Variants in THSD7A observed in about 807,000 individuals in gnomAD.
THSD7A encodes thrombospondin type 1 domain containing 7A.
Under a neutral mutation model 231.3 loss-of-function variants are expected in THSD7A, and 96 were observed. The observed-to-expected ratio is 0.41, with a 90% confidence interval of 0.35 to 0.49. The LOEUF is 0.49. Among genes scored for constraint, THSD7A ranks in the 20% least tolerant of loss-of-function variants. The pLI is 0.05. For missense variants in THSD7A, 2,290 were observed against 2,070.2 expected (o/e 1.11, Z -2.06); for synonymous variants, 940 against 743.3 (o/e 1.26, Z -4.30).
chr7:11,445,287 T>C (rs1784931256), intron 13 of THSD7A, among the ~76,000 whole-genome samples: 1 of 152,014 alleles, frequency 6.6e-6, no homozygotes, highest in African/African-American at 2.4e-5. Context: ...ACTTCTTTCA[T>C]TCCATTATAA....
chr7:11,442,458 T>C (rs936243382), intron 13 of THSD7A, among the ~76,000 whole-genome samples: 1 of 152,072 alleles, frequency 6.6e-6, no homozygotes, highest in African/African-American at 2.4e-5. Flanking sequence ...ATTATTGTCA[T>C]TGCACTGCAC....
intron 1 of THSD7A, among the ~76,000 whole-genome samples, chr7:11,760,174 G>A (rs1282843709): frequency 6.6e-6 from 1 of 152,018 alleles, no homozygotes; most frequent in East Asian, 1.9e-4. Context: ...TGAAAGAATT[G>A]TAATAAAATG....
rs770378544 is a variant in THSD7A at position 11,374,972 on chromosome 7, C to G, written c.*822G>C. On this transcript the variant is annotated 3_prime_UTR_variant, in exon 28 of 28. Coordinates refer to ENST00000423059, the MANE Select transcript of THSD7A (RefSeq NM_015204.3). ...ATGGCAATACTGGTTAAGCGCCTAT[C>G]GTGCTGCACTAATATAGTGCAAAAA... The G allele has an allele frequency of 1.3e-5, 2 of 152,006 alleles. No individual in the cohort carries two copies. Among genetic ancestry groups the G allele is most frequent in the Non-Finnish European group, 2.9e-5 (2 of 67,978 alleles). The allele number at this position is 152,006 out of a possible 1,614,324, so 9.4% of individuals were successfully genotyped here. A position where few individuals can be genotyped will look rare whatever the true frequency, so the allele number is the denominator to read the frequency against.
At chr7:11,386,524 G>A (rs1475634659) in intron 23 of THSD7A, among the ~76,000 whole-genome samples, 1 of 152,162 alleles carries the variant, frequency 6.6e-6, no homozygotes, top group Non-Finnish European at 1.5e-5. Context: ...TTTGAGAAGT[G>A]CTCATTCATA....
intron 23 of THSD7A, among the ~76,000 whole-genome samples, chr7:11,393,729 C>CAATA (rs1280789207): frequency 6.6e-6 from 1 of 152,104 alleles, no homozygotes; most frequent in African/African-American, 2.4e-5. Context: ...ACACAAGTAT[C>CAATA]AATAGCCAAA....
At chr7:11,786,462 T>C (rs1783796098) in intron 1 of THSD7A, among the ~76,000 whole-genome samples, 1 of 152,012 alleles carries the variant, frequency 6.6e-6, no homozygotes, top group Non-Finnish European at 1.5e-5. Context: ...GGAGCAGCAC[T>C]GTCTTGCAAC....
intron 4 of THSD7A, among the ~76,000 whole-genome samples, chr7:11,571,878 T>C (rs1418688127): frequency 6.6e-6 from 1 of 152,192 alleles, no homozygotes; most frequent in Non-Finnish European, 1.5e-5. Context: ...ATTTTTGCTG[T>C]TGTCCTCTTT....
intron 1 of THSD7A, among the ~76,000 whole-genome samples, chr7:11,725,473 T>C (rs1781515997): frequency 6.6e-6 from 1 of 151,984 alleles, no homozygotes; most frequent in Non-Finnish European, 1.5e-5. Flanking sequence ...GTGAATCTGC[T>C]AAGATTCACT....
rs756813878 is a variant in THSD7A, at chr7:11,636,354, G to A, written c.798C>T (p.Pro266=). 25 of 1,613,658 alleles carry A rather than the reference G, an allele frequency of 1.5e-5. No homozygotes were observed. The highest frequency in any genetic ancestry group is 1.6e-4 in the Middle Eastern group (1 of 6,084). The part of the protein sequence containing the change: ...HVGPWSTCSM[P]HSRQVRQARR... ...TTGCTTGTCTTACTTGTCGGGAGTG[G>A]GGCATTGAGCAGGTGCTCCAGGGCC... Residue 266 remains proline, a synonymous_variant, in exon 2 of 28, where the codon CCC becomes CCT. Transcript: ENST00000423059. This position sits in a 1 kb window ranked among gnomAD's most constrained non-coding sequence, Gnocchi z 10.0.
rs1784965133 is a variant in THSD7A, at chr7:11,446,203, T to TA, written c.2921dup (p.Leu974PhefsTer44). 2.5e-6 allele frequency: 4 copies of TA among 1,613,550 alleles called. No homozygotes were observed. Among genetic ancestry groups the TA allele is most frequent in the Non-Finnish European group, 3.4e-6 (4 of 1,179,650 alleles). On this transcript the variant is annotated frameshift_variant, in exon 13 of 28. Coordinates refer to ENST00000423059, the MANE Select transcript of THSD7A (RefSeq NM_015204.3). LOFTEE classifies it high-confidence loss of function. This position sits in a 1 kb window ranked among gnomAD's most constrained non-coding sequence, Gnocchi z 4.0. ...GCAACACTTCCACTTTTCCCTCTGGTAAAATACAGTCTGACCAGTTCCCCA... is the reference window on the plus strand; with the variant it reads ...GCAACACTTCCACTTTTCCCTCTGGTAAAAATACAGTCTGACCAGTTCCCCA...
chr7:11,530,461 A>G (rs1788658659), intron 6 of THSD7A, among the ~76,000 whole-genome samples: 1 of 152,234 alleles, frequency 6.6e-6, no homozygotes, highest in Admixed American at 6.5e-5. Flanking sequence ...CAATCTGTTA[A>G]GTGGAACACA....
chr7:11,519,283 C>T (rs1026888187), intron 6 of THSD7A, among the ~76,000 whole-genome samples: 4 of 152,066 alleles, frequency 2.6e-5, no homozygotes, highest in African/African-American at 4.8e-5. Flanking sequence ...CCTTCTATTT[C>T]CCCTTCTCTT....
At chr7:11,536,583 T>C (rs1788924686) in intron 6 of THSD7A, among the ~76,000 whole-genome samples, 1 of 152,214 alleles carries the variant, frequency 6.6e-6, no homozygotes, top group Non-Finnish European at 1.5e-5. Flanking sequence ...TAGGTACAAC[T>C]GTATGGTGAA....
chr7:11,613,232 A>G (rs1780992128), intron 2 of THSD7A, among the ~76,000 whole-genome samples: 1 of 152,206 alleles, frequency 6.6e-6, no homozygotes, highest in Admixed American at 6.5e-5. Context: ...TGCTTTTCCT[A>G]ACACTAAGAA....
chr7:11,494,034 G>T (rs951180420), intron 6 of THSD7A, among the ~76,000 whole-genome samples: 1 of 152,012 alleles, frequency 6.6e-6, no homozygotes, highest in African/African-American at 2.4e-5. Context: ...AGCAGGTACA[G>T]ATAAACGTTA....
chr7:11,592,959 A>G (rs1780222229), intron 3 of THSD7A, among the ~76,000 whole-genome samples: 2 of 152,140 alleles, frequency 1.3e-5, no homozygotes, highest in African/African-American at 4.8e-5. Context: ...ATTGCAATAG[A>G]GACACGTATG....
chr7:11,498,522 T>C (rs1336584762), intron 6 of THSD7A, among the ~76,000 whole-genome samples: 10 of 152,206 alleles, frequency 6.6e-5, no homozygotes, highest in Non-Finnish European at 1.3e-4. Context: ...TGGGCCACCA[T>C]CTTTGCTGTT....
intron 4 of THSD7A, among the ~76,000 whole-genome samples, chr7:11,550,925 T>A (rs1423485022): frequency 6.6e-6 from 1 of 152,046 alleles, no homozygotes; most frequent in Non-Finnish European, 1.5e-5. Context: ...GCCAGAGGCA[T>A]CACACTCCCC....
intron 1 of THSD7A, among the ~76,000 whole-genome samples, chr7:11,650,322 T>A (rs1051004825): frequency 6.6e-6 from 1 of 152,070 alleles, no homozygotes; most frequent in Non-Finnish European, 1.5e-5. Context: ...GAATCTTTGA[T>A]GCAACAATAA....
Sources: allele counts gnomAD v4.1 joint callset (sites outside exome capture counted in the v4.1 genomes callset), GRCh38; gene constraint gnomAD v4.1.1; non-coding constraint Gnocchi (gnomAD v3.1); transcripts MANE v1.5; gene names NCBI Gene and HGNC (gene_info 2026-07-23, HGNC 2026-07-21).